MEF2C: variants seen among roughly 807,000 people sequenced by gnomAD.
MEF2C encodes myocyte enhancer factor 2C.
Under a neutral mutation model 50.5 loss-of-function variants are expected in MEF2C, and 6 were observed. The ratio of observed to expected loss-of-function variants is 0.12; its 90% confidence interval spans 0.07 to 0.23. MEF2C has a LOEUF of 0.23. Ranked by LOEUF, MEF2C falls within the 10% of genes least tolerant of loss-of-function variation. MEF2C has a pLI of 1.00. For missense variants in MEF2C, 276 were observed against 605.0 expected, an observed-to-expected ratio of 0.46 and a Z score of 5.70; for synonymous variants, 183 against 228.0, an observed-to-expected ratio of 0.80 and a Z score of 1.78.
At chr5:88,877,333 G>A (rs1831382068) in intron 1 of MEF2C, among the ~76,000 whole-genome samples, 1 of 151,922 alleles carries the variant, frequency 6.6e-6, no homozygotes, top group Admixed American at 6.6e-5. Context: ...ACAATGTACA[G>A]CAAATGAATT....
rs752716587 is a variant in MEF2C at position 88,841,558 on chromosome 5, T to A, written c.-142-17628A>T. Among the ~76,000 whole-genome samples, 141 of 151,928 alleles carry A rather than the reference T, an allele frequency of 9.3e-4. 1 individual carries two copies. The highest frequency in any genetic ancestry group is 1.2e-3 in the Non-Finnish European group (82 of 67,960). The stretch of plus-strand genomic sequence containing the variant: ...AAGAAGCAAAGAAAAAAAAATGATC[T>A]TAGGCTTTAGTCAAACCTTTCCAGG... On this transcript the variant is annotated intron_variant, in intron 1 of 10. Transcript: ENST00000504921.
chr5:88,752,618 A>C, intron 4 of MEF2C: 1 of 985,250 alleles, frequency 1.0e-6, no homozygotes, highest in Non-Finnish European at 1.2e-6. Flanking sequence ...TGTATCATTC[A>C]ATAATTCACA....
At chr5:88,744,669 T>A (rs1768493995) in intron 6 of MEF2C, among the ~76,000 whole-genome samples, 1 of 152,238 alleles carries the variant, frequency 6.6e-6, no homozygotes, top group South Asian at 2.1e-4. Flanking sequence ...AACTGAAACC[T>A]TAGAAAAGTC....
intron 1 of MEF2C, among the ~76,000 whole-genome samples, chr5:88,843,678 C>G (rs993152117): frequency 5.3e-5 from 8 of 151,956 alleles, no homozygotes; most frequent in African/African-American, 1.7e-4. Flanking sequence ...TTTCTCTAAT[C>G]CAGAAAATTA....
intron 2 of MEF2C, among the ~76,000 whole-genome samples, chr5:88,814,320 A>C (rs888822759): frequency 2.0e-5 from 3 of 151,636 alleles, no homozygotes; most frequent in African/African-American, 7.3e-5. Flanking sequence ...GTGCCTCTGC[A>C]GACTTGTGTT....
intron 6 of MEF2C, chr5:88,742,442 C>T (rs1767269925): frequency 1.0e-6 from 1 of 981,246 alleles, no homozygotes; most frequent in Admixed American, 6.2e-5. Flanking sequence ...ATCCTTCACA[C>T]TATTAGGTTA....
At chr5:88,734,568 T>TTTTTTTTTTTTTTTTG (rs1763190073) in intron 6 of MEF2C, 1 of 360,658 alleles carries the variant, frequency 2.8e-6, no homozygotes, top group Non-Finnish European at 3.3e-6. Flanking sequence ...AAAGTTTGTT[T>TTTTTTTTTTTTTTTTG]TTTTTTTTTT....
chr5:88,798,528 T>G (rs1796971765), intron 3 of MEF2C, among the ~76,000 whole-genome samples: 1 of 152,130 alleles, frequency 6.6e-6, no homozygotes, highest in East Asian at 1.9e-4. Flanking sequence ...TTATTCTAGT[T>G]AGCAATTCCC....
At chr5:88,809,107 C>A (rs143551389) in intron 2 of MEF2C, among the ~76,000 whole-genome samples, 1 of 151,984 alleles carries the variant, frequency 6.6e-6, no homozygotes, top group African/African-American at 2.4e-5. Flanking sequence ...ATTTTTGAAT[C>A]TTTAAATAGC....
At chr5:88,847,472 G>C (rs986580226) in intron 1 of MEF2C, among the ~76,000 whole-genome samples, 12 of 152,238 alleles carry the variant, frequency 7.9e-5, no homozygotes, top group African/African-American at 2.6e-4. Context: ...ACTCAGCACT[G>C]ATTTCTTTGT....
At chr5:88,803,724 A>C (rs1188578048) in intron 3 of MEF2C, among the ~76,000 whole-genome samples, 2 of 152,142 alleles carry the variant, frequency 1.3e-5, no homozygotes, top group African/African-American at 4.8e-5. Context: ...CGATGCTGAA[A>C]AGGTTTAAAA....
chr5:88,867,927 G>A (rs951551997), intron 1 of MEF2C, among the ~76,000 whole-genome samples: 12 of 152,170 alleles, frequency 7.9e-5, no homozygotes, highest in Non-Finnish European at 1.5e-4. Flanking sequence ...CGCGTGCAGC[G>A]AGACTCTTTG....
intron 6 of MEF2C, chr5:88,734,481 T>C (rs1763012011): frequency 9.1e-6 from 9 of 984,006 alleles, no homozygotes; most frequent in Non-Finnish European, 1.1e-5. Context: ...AACCGCTTCG[T>C]GAAATGTGTT....
In MEF2C at chr5:88,842,319, TTAA is replaced by T. The variant is rs537252240; in HGVS notation, c.-142-18392_-142-18390del. ...GTTTGATGAAAACTAAACTAATTAA[TTAA>T]TAATATTTTCCTAGCTTTACTGAAA... On this transcript the variant is annotated intron_variant, in intron 1 of 10. Coordinates refer to ENST00000504921, the MANE Select transcript of MEF2C (RefSeq NM_002397.5). Among the ~76,000 whole-genome samples, 281 of 152,158 alleles carry T rather than the reference TTAA, an allele frequency of 1.8e-3. 1 individual carries two copies. The highest frequency in any genetic ancestry group is 6.5e-3 in the African/African-American group (272 of 41,528).
chr5:88,750,668 C>T (rs1015975896), intron 5 of MEF2C, among the ~76,000 whole-genome samples: 7 of 152,070 alleles, frequency 4.6e-5, no homozygotes, highest in African/African-American at 7.2e-5. Context: ...AAAATTCATA[C>T]GAAAATTTTC....
At chr5:88,882,426 G>C (rs1342094665) in intron 1 of MEF2C, among the ~76,000 whole-genome samples, 1 of 152,170 alleles carries the variant, frequency 6.6e-6, no homozygotes, top group Non-Finnish European at 1.5e-5. Context: ...GTGAGGGAAG[G>C]AAATGCACAA....
At chr5:88,748,691 T>G in intron 6 of MEF2C, 1 of 821,210 alleles carries the variant, frequency 1.2e-6, no homozygotes, top group Non-Finnish European at 1.5e-6. Context: ...GCATAGAAGT[T>G]CAATACTTCT....
At chr5:88,760,874 G>T in intron 4 of MEF2C, 1 of 1,152,068 alleles carries the variant, frequency 8.7e-7, no homozygotes. Context: ...GGATGAGATG[G>T]CTATTTATCT....
At chr5:88,757,388 C>A (rs1775846309) in intron 4 of MEF2C, among the ~76,000 whole-genome samples, 1 of 151,972 alleles carries the variant, frequency 6.6e-6, no homozygotes, top group Non-Finnish European at 1.5e-5. Context: ...TTTTGATTAA[C>A]CATTACCAGC....
Sources: allele counts gnomAD v4.1 joint callset (sites outside exome capture counted in the v4.1 genomes callset), GRCh38; gene constraint gnomAD v4.1.1; transcripts MANE v1.5; gene names NCBI Gene and HGNC (gene_info 2026-07-23, HGNC 2026-07-21).